TDRD3: variants seen among roughly 807,000 people sequenced by gnomAD.
TDRD3 encodes tudor domain containing 3.
In TDRD3, 45 loss-of-function variants were observed where a neutral mutation model predicts 86.7. The ratio of observed to expected loss-of-function variants is 0.52; its 90% CI spans 0.41 to 0.67. The LOEUF is 0.67. Ranked by LOEUF, TDRD3 falls within the 30% of genes least tolerant of loss-of-function variation. The probability of loss-of-function intolerance (pLI) is 0.00; values close to 1 mark genes in which losing one functional copy is unlikely to be tolerated. For missense variants in TDRD3, 814 were observed against 889.0 expected (o/e 0.92, Z 1.07); for synonymous variants, 298 against 301.7 (o/e 0.99, Z 0.13).
chr13:60,462,003 T>C (rs1028338437), intron 4 of TDRD3, among the ~76,000 whole-genome samples: 2 of 152,150 alleles, frequency 1.3e-5, no homozygotes, highest in African/African-American at 4.8e-5. Flanking sequence ...TTTCCCTTCT[T>C]TTTTCTTCTT....
chr13:60,481,890 A>G (rs944618410), intron 5 of TDRD3, among the ~76,000 whole-genome samples: 6 of 152,134 alleles, frequency 3.9e-5, no homozygotes, highest in Non-Finnish European at 4.4e-5. Context: ...GTCAACAGTT[A>G]ATTTACTTTT....
In TDRD3 at chr13:60,501,578, T is replaced by G. The variant is rs535913639; in HGVS notation, c.858+7003T>G. 2.6e-5 allele frequency among the ~76,000 whole-genome samples: 4 copies of G among 152,344 alleles called. No individual in the cohort carries two copies. In the South Asian group the frequency reaches 6.2e-4, roughly 24 times the overall value. On this transcript the variant is annotated intron_variant, in intron 8 of 13. Coordinates refer to ENST00000377881, the MANE Select transcript of TDRD3 (RefSeq NM_001146070.2). ...TTACACAGACCATCTAAGACATGCTTAAACTTTCCTACTTGTCCTAAACAT... is the reference window on the plus strand; with the variant it reads ...TTACACAGACCATCTAAGACATGCTGAAACTTTCCTACTTGTCCTAAACAT...
intron 1 of TDRD3, among the ~76,000 whole-genome samples, chr13:60,436,857 G>T (rs1350148929): frequency 6.6e-6 from 1 of 152,098 alleles, no homozygotes; most frequent in Non-Finnish European, 1.5e-5. Flanking sequence ...CTGAAAACTT[G>T]AATATCTAAT....
At chr13:60,484,189 A>G (rs1026000638) in intron 6 of TDRD3, among the ~76,000 whole-genome samples, 1 of 152,056 alleles carries the variant, frequency 6.6e-6, no homozygotes, top group Non-Finnish European at 1.5e-5. Context: ...TTCATTAAAA[A>G]CATTAGAGGG....
intron 10 of TDRD3, among the ~76,000 whole-genome samples, chr13:60,527,500 A>G (rs1229027657): frequency 6.6e-6 from 1 of 152,244 alleles, no homozygotes; most frequent in Non-Finnish European, 1.5e-5. Flanking sequence ...AACAAGACAC[A>G]TACACCAAAG....
intron 12 of TDRD3, among the ~76,000 whole-genome samples, chr13:60,565,346 C>T (rs995324223): frequency 6.6e-6 from 1 of 152,066 alleles, no homozygotes; most frequent in Non-Finnish European, 1.5e-5. Context: ...TGAGCCACCG[C>T]GCCCGGCCGT....
intron 12 of TDRD3, among the ~76,000 whole-genome samples, chr13:60,565,852 A>C (rs1958447626): frequency 6.6e-6 from 1 of 152,198 alleles, no homozygotes; most frequent in Non-Finnish European, 1.5e-5. Context: ...ATAATAATAA[A>C]TAACTTCTTT....
intron 5 of TDRD3, 57 bp downstream of exon 5, chr13:60,467,436 A>G (rs761384990): frequency 5.1e-6 from 8 of 1,579,104 alleles, no homozygotes; most frequent in African/African-American, 1.4e-5. Context: ...TTATTGCATT[A>G]AAGAGCTCTT....
chr13:60,539,748 T>G (rs1011354742), intron 12 of TDRD3, among the ~76,000 whole-genome samples: 3 of 151,882 alleles, frequency 2.0e-5, no homozygotes, highest in Admixed American at 6.6e-5. Flanking sequence ...TATAAATTAT[T>G]CCATCACTAT....
intron 8 of TDRD3, among the ~76,000 whole-genome samples, chr13:60,508,902 C>T (rs1413044994): frequency 6.6e-6 from 1 of 152,052 alleles, no homozygotes; most frequent in African/African-American, 2.4e-5. Flanking sequence ...AAATTTAGCC[C>T]ATTCACAAGA....
chr13:60,433,697 A>G (rs937788674), intron 1 of TDRD3, among the ~76,000 whole-genome samples: 39 of 152,260 alleles, frequency 2.6e-4, no homozygotes, highest in African/African-American at 9.4e-4. Context: ...TGGCTTGTAC[A>G]CTGCTTTACG....
At chr13:60,456,069 C>CAAAAAAAAAA (rs35117003) in intron 3 of TDRD3, among the ~76,000 whole-genome samples, 1 of 95,566 alleles carries the variant, frequency 1.0e-5, no homozygotes, top group African/African-American at 4.5e-5. Context: ...GACTATGTCT[C>CAAAAAAAAAA]AAAAAAAAAA....
At chr13:60,488,268 GT>G (rs1357698044) in intron 7 of TDRD3, among the ~76,000 whole-genome samples, 1 of 152,188 alleles carries the variant, frequency 6.6e-6, no homozygotes, top group Non-Finnish European at 1.5e-5. Flanking sequence ...AATGAGGGGT[GT>G]GGCATCTCAT....
chr13:60,514,510 G>T (rs1407309190), intron 10 of TDRD3, among the ~76,000 whole-genome samples: 2 of 152,156 alleles, frequency 1.3e-5, no homozygotes, highest in African/African-American at 4.8e-5. Context: ...TGTACTGTGT[G>T]GGGAGGGCAC....
intron 7 of TDRD3, among the ~76,000 whole-genome samples, chr13:60,486,529 A>G (rs1400125513): frequency 2.0e-5 from 3 of 152,228 alleles, no homozygotes; most frequent in Non-Finnish European, 4.4e-5. Flanking sequence ...GGTACATGTG[A>G]TATTTTGATA....
chr13:60,515,137 T>C (rs1957142081), intron 10 of TDRD3, among the ~76,000 whole-genome samples: 1 of 152,208 alleles, frequency 6.6e-6, no homozygotes. Context: ...GAGCAAAATA[T>C]AAGTGCTTAG....
At chr13:60,573,253 A>G (rs1240438821) in intron 13 of TDRD3, among the ~76,000 whole-genome samples, 2 of 152,178 alleles carry the variant, frequency 1.3e-5, no homozygotes, top group Non-Finnish European at 2.9e-5. Flanking sequence ...GGCGGTTAGG[A>G]TAGGGAAAGA....
At chr13:60,395,920 C>T (rs552609452), upstream of TDRD3, among the ~76,000 whole-genome samples, 18 of 152,292 alleles carry the variant, frequency 1.2e-4, no homozygotes, top group African/African-American at 4.3e-4. Flanking sequence ...AAACAATATA[C>T]TTGGGAGCAA....
rs1210097114 is a variant in TDRD3 at position 60,397,272 on chromosome 13, C to CTT, written c.-81_-80dup. The CTT allele has an allele frequency of 1.8e-3, 825 of 459,760 alleles. No homozygotes were observed. The highest frequency in any genetic ancestry group is 3.3e-3 in the South Asian group (81 of 24,246). The allele number at this position is 459,760 out of a possible 1,614,324, so 28.5% of individuals were successfully genotyped here. On this transcript the variant is annotated 5_prime_UTR_variant, in exon 1 of 14. An upstream open reading frame in the 5' UTR gains an earlier in-frame stop. Coordinates refer to ENST00000377881, the MANE Select transcript of TDRD3 (RefSeq NM_001146070.2). ...CCAGAGGAGTTTTTTCTTTTCTTTT[C>CTT]TTTTTTTTTTTTTAAGGGGGGGGGT...
Sources: allele counts gnomAD v4.1 joint callset (sites outside exome capture counted in the v4.1 genomes callset), GRCh38; gene constraint gnomAD v4.1.1; transcripts MANE v1.5; gene names NCBI Gene and HGNC (gene_info 2026-07-23, HGNC 2026-07-21).